The following ZNF713 variants were observed in gnomAD, a reference collection of about 807,000 sequenced individuals.
ZNF713 encodes zinc finger protein 713.
Under a neutral mutation model 28.7 loss-of-function variants are expected in ZNF713, and 21 were observed. That is an observed-to-expected ratio of 0.73 (90% confidence interval 0.52 to 1.05). The LOEUF (loss-of-function observed/expected upper bound fraction) is 1.05, where lower values mean the gene tolerates loss of function less well. Ranked by LOEUF, ZNF713 falls within the 50% of genes least tolerant of loss-of-function variation. The pLI is 0.00. For synonymous variants in ZNF713, 167 were observed against 178.0 expected, an observed-to-expected ratio of 0.94 and a Z score of 0.49; for missense variants, 458 against 532.4, an observed-to-expected ratio of 0.86 and a Z score of 1.37.
intron 6 of ZNF713, among the ~76,000 whole-genome samples, chr7:55,929,763 GGAGA>G (rs1233523159): frequency 6.6e-6 from 1 of 151,034 alleles, no homozygotes; most frequent in Non-Finnish European, 1.5e-5. Context: ...AAAAAAAACT[GGAGA>G]GAGAGACCTG....
In ZNF713 at chr7:55,923,024, T is replaced by G. The variant is rs1050838702; in HGVS notation, c.88-138T>G. ...GGTACTAATTTTTTTAAAAGAAAAG[T>G]TTGACCTGAACAACTCAGAGTCCTG... On this transcript the variant is annotated intron_variant, in intron 4 of 6. Coordinates refer to ENST00000429591, the MANE Select transcript of ZNF713 (RefSeq NM_182633.3). 3 of 873,420 alleles carry G rather than the reference T, an allele frequency of 3.4e-6. No individual in the cohort carries two copies. The Admixed American group carries it at 1.2e-4, about 35-fold the overall frequency. 54.1% of individuals were successfully genotyped at this position (873,420 alleles called of 1,614,324 possible).
At chr7:55,930,103 C>T (rs1448060145) in intron 6 of ZNF713, among the ~76,000 whole-genome samples, 7 of 151,876 alleles carry the variant, frequency 4.6e-5, no homozygotes, top group African/African-American at 1.5e-4. Context: ...CTCTGTTGCC[C>T]AGGCTGGAGT....
chr7:55,905,653 C>T (rs1185280270), intron 1 of ZNF713, among the ~76,000 whole-genome samples: 1 of 152,086 alleles, frequency 6.6e-6, no homozygotes, highest in Non-Finnish European at 1.5e-5. Context: ...TTGCAGGGCG[C>T]ACATGTTTAG....
At chr7:55,913,633 A>T (rs1238497579) in intron 4 of ZNF713, among the ~76,000 whole-genome samples, 2 of 152,232 alleles carry the variant, frequency 1.3e-5, no homozygotes, top group Non-Finnish European at 2.9e-5. Context: ...CTTTTTAAAA[A>T]TTGCTATCAA....
chr7:55,909,999 G>A (rs1250894065), intron 2 of ZNF713, among the ~76,000 whole-genome samples: 2 of 149,776 alleles, frequency 1.3e-5, no homozygotes, highest in African/African-American at 2.5e-5. Flanking sequence ...GTGTATATAC[G>A]TTTATGTGTG....
intron 1 of ZNF713, among the ~76,000 whole-genome samples, chr7:55,890,437 G>A (rs556599344): frequency 9.7e-5 from 13 of 133,428 alleles, no homozygotes; most frequent in East Asian, 2.2e-4. Flanking sequence ...GCAAGAGAGC[G>A]AGACTCTGTC....
chr7:55,898,145 A>C (rs1328764381), intron 1 of ZNF713, among the ~76,000 whole-genome samples: 1 of 152,270 alleles, frequency 6.6e-6, no homozygotes, highest in Admixed American at 6.5e-5. Context: ...GAAGCTATAA[A>C]ACTCAGAAAG....
chr7:55,922,552 AAAG>A (rs1163950995), intron 4 of ZNF713, among the ~76,000 whole-genome samples: 7 of 151,914 alleles, frequency 4.6e-5, no homozygotes, highest in Admixed American at 1.3e-4. Context: ...AAAAAAAAAA[AAAG>A]AAGTTGCCAC....
intron 4 of ZNF713, among the ~76,000 whole-genome samples, chr7:55,920,895 A>C (rs1007458499): frequency 6.6e-6 from 1 of 152,156 alleles, no homozygotes; most frequent in East Asian, 1.9e-4. Context: ...TGCTGGGATT[A>C]CAGGCGTGAG....
In ZNF713 at chr7:55,912,512, CT is replaced by C. The variant is rs1406200743; in HGVS notation, c.-2-120del. ...CATAGAAGAGTAGAGACGTCACAACCTTTAGGCTTATGTCTTAGAGGGCTTC... is the reference window on the plus strand; with the variant it reads ...CATAGAAGAGTAGAGACGTCACAACCTTAGGCTTATGTCTTAGAGGGCTTC... On this transcript the variant is annotated intron_variant, in intron 3 of 6. Coordinates refer to ENST00000429591, the MANE Select transcript of ZNF713 (RefSeq NM_182633.3). 3 of 660,748 alleles carry C rather than the reference CT, an allele frequency of 4.5e-6. No individual in the cohort carries two copies. In the South Asian group the frequency reaches 5.9e-5, roughly 13 times the overall value. The allele number at this position is 660,748 out of a possible 1,614,324, so 40.9% of individuals were successfully genotyped here.
rs1446013720 is a variant in ZNF713, at chr7:55,940,250, G to A, written c.*244G>A. 3 of 633,110 alleles carry A rather than the reference G, an allele frequency of 4.7e-6. No individual in the cohort carries two copies. The highest frequency in any genetic ancestry group is 3.3e-5 in the South Asian group (1 of 29,934). The allele number at this position is 633,110 out of a possible 1,614,324, so 39.2% of individuals were successfully genotyped here. A position where few individuals can be genotyped will look rare whatever the true frequency, so the allele number is the denominator to read the frequency against. On this transcript the variant is annotated 3_prime_UTR_variant, in exon 7 of 7. Transcript: ENST00000429591. Reference sequence around the variant, plus strand: ...CGATTCTCCTGCCTCAGCCTCCTGAGTAGCTGGGACCACAGGTATGCACCA... The same window carrying A: ...CGATTCTCCTGCCTCAGCCTCCTGAATAGCTGGGACCACAGGTATGCACCA...
intron 4 of ZNF713, among the ~76,000 whole-genome samples, chr7:55,917,074 C>T (rs1785893305): frequency 6.6e-6 from 1 of 152,112 alleles, no homozygotes; most frequent in South Asian, 2.1e-4. Context: ...ATTAGCCAGG[C>T]ATAGTGGTGG....
chr7:55,887,861 CGGGCGGCGG>C (rs1785299441), intron 1 of ZNF713, among the ~76,000 whole-genome samples, 181 bp downstream of exon 1: 1 of 12,672 alleles, frequency 7.9e-5, no homozygotes, highest in African/African-American at 4.3e-4. Flanking sequence ...CGGCGGGCGG[CGGGCGGCGG>C]CGGCGGCGGC....
chr7:55,930,138 G>A (rs1786182461), intron 6 of ZNF713, among the ~76,000 whole-genome samples: 2 of 151,898 alleles, frequency 1.3e-5, no homozygotes, highest in African/African-American at 4.8e-5. Flanking sequence ...TCCGCTCACT[G>A]CAACCTCTGC....
intron 1 of ZNF713, among the ~76,000 whole-genome samples, chr7:55,897,901 G>A (rs1785502973): frequency 6.6e-6 from 1 of 152,194 alleles, no homozygotes; most frequent in Non-Finnish European, 1.5e-5. Context: ...AGGGATGATA[G>A]AAGCGTCTTT....
At chr7:55,908,191 G>A (rs1785719907) in intron 2 of ZNF713, among the ~76,000 whole-genome samples, 2 of 138,522 alleles carry the variant, frequency 1.4e-5, no homozygotes, top group East Asian at 2.1e-4. Flanking sequence ...CGCCCAGGCT[G>A]GAGTGCAGTG....
Position 55,928,629 on chromosome 7 carries a change from A to C in ZNF713, c.307+4930A>C, listed in dbSNP as rs143409488. Among the ~76,000 whole-genome samples, 143 of 152,366 alleles carry C rather than the reference A, an allele frequency of 9.4e-4. 1 individual carries two copies. The Middle Eastern group carries it at 0.01, about 11-fold the overall frequency. On this transcript the variant is annotated intron_variant, in intron 6 of 6. Transcript: ENST00000429591. ...AAAGGTGAAGGCACAAACAACTACC[A>C]GTTGGATTACAAGATGGAAGAGAAG...
chr7:55,895,917 A>G (rs1242364344), intron 1 of ZNF713, among the ~76,000 whole-genome samples: 1 of 152,240 alleles, frequency 6.6e-6, no homozygotes, highest in Non-Finnish European at 1.5e-5. Flanking sequence ...CCAGATTCAT[A>G]CAGCTAAAGT....
At chr7:55,930,553 G>T (rs1786189664) in intron 6 of ZNF713, among the ~76,000 whole-genome samples, 1 of 152,142 alleles carries the variant, frequency 6.6e-6, no homozygotes, top group Admixed American at 6.5e-5. Flanking sequence ...CTTGAGCTCA[G>T]GAGTTCAGGA....
Sources: gnomAD v4.1 joint callset for allele counts (sites outside exome capture counted in the v4.1 genomes callset) on GRCh38, gnomAD v4.1.1 for gene constraint, MANE v1.5 for transcripts, NCBI Gene and HGNC (gene_info 2026-07-23, HGNC 2026-07-21) for gene names.